The following OSBPL5 variants were observed in gnomAD, a reference collection of about 807,000 sequenced individuals.
The protein encoded by OSBPL5 is oxysterol-binding protein-related protein 5.
OSBPL5 carries 71 observed loss-of-function variants against 111.2 expected under a neutral mutation model. That is an observed-to-expected ratio of 0.64 (90% CI 0.53 to 0.78). The LOEUF is 0.78. OSBPL5 is among the 30% of genes least tolerant of loss of function. OSBPL5 has a pLI of 0.00. For missense variants in OSBPL5, 1,210 were observed against 1,189.3 expected (o/e 1.02, Z -0.26); for synonymous variants, 549 against 513.9 (o/e 1.07, Z -0.93).
At chr11:3,119,742 A>G (rs2134453105) in intron 6 of OSBPL5, 111 bp from the exon 7 acceptor site, 2 of 970,632 alleles carry the variant, frequency 2.1e-6, no homozygotes, top group South Asian at 1.7e-5. Flanking sequence ...GGACACCCCC[A>G]GGGCCACAGG....
At chr11:3,156,623 C>T (rs1455869487) in intron 1 of OSBPL5, among the ~76,000 whole-genome samples, 1 of 152,234 alleles carries the variant, frequency 6.6e-6, no homozygotes. Flanking sequence ...AAGCCAGGTG[C>T]CAGGACCTTG....
At chr11:3,102,374 G>T in intron 11 of OSBPL5, 93 bp from the exon 12 acceptor site, 1 of 1,187,396 alleles carries the variant, frequency 8.4e-7, no homozygotes, top group South Asian at 1.3e-5. Flanking sequence ...GGCAGCGTGG[G>T]TGGGCTACCC....
chr11:3,096,225 C>T (rs751590027), intron 14 of OSBPL5, among the ~76,000 whole-genome samples: 2 of 152,136 alleles, frequency 1.3e-5, no homozygotes, highest in Non-Finnish European at 2.9e-5. Context: ...GACACAGGCA[C>T]GTGGCAGCTG....
intron 15 of OSBPL5, 141 bp downstream of exon 15, chr11:3,094,096 G>T: frequency 2.4e-6 from 2 of 844,690 alleles, no homozygotes; most frequent in Non-Finnish European, 3.7e-6. Flanking sequence ...CCCTGTCTGT[G>T]TTCCGGGATG....
chr11:3,102,962 T>C (rs563143329), intron 11 of OSBPL5, among the ~76,000 whole-genome samples: 2 of 152,230 alleles, frequency 1.3e-5, no homozygotes, highest in South Asian at 4.1e-4. Flanking sequence ...CCTGAGGCTG[T>C]TTTCTTGGGG....
At chr11:3,103,833 A>AGCCTATGCAGTCCCTTCCT in intron 10 of OSBPL5, among the ~76,000 whole-genome samples, 1 of 79,334 alleles carries the variant, frequency 1.3e-5, no homozygotes, top group African/African-American at 4.2e-5. Context: ...GCCCCCTTCC[A>AGCCTATGCAGTCCCTTCCT]GCCTCTGCAG....
At chr11:3,153,966 T>C (rs1459715175) in intron 1 of OSBPL5, among the ~76,000 whole-genome samples, 1 of 152,238 alleles carries the variant, frequency 6.6e-6, no homozygotes, top group East Asian at 1.9e-4. Flanking sequence ...GCCCCGGGGT[T>C]ACCGGCTCCC....
chr11:3,160,277 C>G (rs1846915491), intron 1 of OSBPL5, among the ~76,000 whole-genome samples: 1 of 152,222 alleles, frequency 6.6e-6, no homozygotes, highest in Non-Finnish European at 1.5e-5. Context: ...CCCCTCCCGC[C>G]CAGGACCAGG....
intron 1 of OSBPL5, among the ~76,000 whole-genome samples, chr11:3,150,037 T>C (rs929368210): frequency 6.6e-6 from 1 of 152,058 alleles, no homozygotes; most frequent in Admixed American, 6.5e-5. Flanking sequence ...CAGATGTGCA[T>C]GCACACACAC....
intron 14 of OSBPL5, among the ~76,000 whole-genome samples, chr11:3,099,719 C>T (rs1383127735): frequency 6.6e-6 from 1 of 152,150 alleles, no homozygotes; most frequent in Non-Finnish European, 1.5e-5. Context: ...GCAAGCAAAA[C>T]GCACATATTC....
At chr11:3,127,130 T>C (rs1858655183) in intron 2 of OSBPL5, among the ~76,000 whole-genome samples, 1 of 152,196 alleles carries the variant, frequency 6.6e-6, no homozygotes, top group African/African-American at 2.4e-5. Context: ...CTGTTTGCTT[T>C]GGTGCCAGTT....
intron 1 of OSBPL5, among the ~76,000 whole-genome samples, chr11:3,156,419 T>A (rs1037811452): frequency 2.0e-5 from 3 of 152,140 alleles, no homozygotes; most frequent in Admixed American, 6.5e-5. Flanking sequence ...GAAAGAAGGA[T>A]GTGAGCGGAA....
chr11:3,135,707 G>A (rs75308619), intron 1 of OSBPL5, among the ~76,000 whole-genome samples: 10,017 of 152,292 alleles, frequency 0.066, 1,089 homozygotes, highest in African/African-American at 0.23. Flanking sequence ...ACACCGCCCC[G>A]TGGTGGCAGC....
rs112953459 is a variant in OSBPL5 at position 3,145,390 on chromosome 11, C to T, written c.-21-16221G>A. Among the ~76,000 whole-genome samples, 1,091 of 152,362 alleles carry T rather than the reference C, an allele frequency of 7.2e-3. 11 individuals are homozygous for T. Among genetic ancestry groups the T allele is most frequent in the African/African-American group, 0.025 (1,026 of 41,578 alleles). ...GCAACCAGTCCCACAGGCCAGGCCA[C>T]TTCACGAGCCCCATTCCCTTGGTCA... is the stretch of plus-strand genomic sequence containing the variant. On this transcript the variant is annotated intron_variant, in intron 1 of 21. Transcript: ENST00000263650.
chr11:3,119,986 G>C (rs1200808937), intron 6 of OSBPL5: 4 of 418,516 alleles, frequency 9.6e-6, no homozygotes, highest in Non-Finnish European at 1.7e-5. Context: ...TCCCATACAT[G>C]ACTGGGGTCA....
Position 3,106,046 on chromosome 11 carries a change from A to G in OSBPL5, c.1059+1217T>C, listed in dbSNP as rs990789326. Among the ~76,000 whole-genome samples, 2 of 151,624 alleles carry G rather than the reference A, an allele frequency of 1.3e-5. No homozygotes were observed. The highest frequency in any genetic ancestry group is 2.9e-5 in the Non-Finnish European group (2 of 67,888). On this transcript the variant is annotated intron_variant, in intron 9 of 21. Coordinates refer to ENST00000263650, the MANE Select transcript of OSBPL5 (RefSeq NM_020896.4). This position sits in a 1 kb window ranked among gnomAD's most constrained non-coding sequence, Gnocchi z 8.4. ...GCCTAACCCGCCGGTGGCTTCCCCA[A>G]TACTCTCAGCCTGAGGCCCCCAGGG... is the stretch of plus-strand genomic sequence containing the variant.
Position 3,141,912 on chromosome 11 carries a change from C to T in OSBPL5, c.-21-12743G>A, listed in dbSNP as rs918002599. 6.6e-6 allele frequency among the ~76,000 whole-genome samples: 1 copy of T among 152,046 alleles called. No individual in the cohort carries two copies. The highest frequency in any genetic ancestry group is 6.6e-5 in the Admixed American group (1 of 15,264). On this transcript the variant is annotated intron_variant, in intron 1 of 21. Coordinates refer to ENST00000263650, the MANE Select transcript of OSBPL5 (RefSeq NM_020896.4). The surrounding 1 kb of genome is among the most constrained non-coding windows in gnomAD (Gnocchi z 6.5). ...CCATGTTACAGTTGCAGTTTCTTTT[C>T]TTTCTTTTTATTTTTTTTGAGACGG...
At chr11:3,120,657 C>T (rs748618149) in intron 5 of OSBPL5, 33 bp from the exon 6 acceptor site, 2 of 1,603,542 alleles carry the variant, frequency 1.2e-6, no homozygotes, top group South Asian at 2.2e-5. Flanking sequence ...GATGCCCACC[C>T]TCTGGGGCCG....
In OSBPL5 at chr11:3,087,888, C is replaced by G. The variant is rs1856924221; in HGVS notation, c.*317G>C. 1.3e-5 allele frequency: 3 copies of G among 229,254 alleles called. No individual in the cohort carries two copies. The South Asian group carries it at 4.5e-4, about 34-fold the overall frequency. The allele number at this position is 229,254 out of a possible 1,614,324, so 14.2% of individuals were successfully genotyped here. On this transcript the variant is annotated 3_prime_UTR_variant, in exon 22 of 22. Transcript: ENST00000263650. ...CTCCCACCCTAAATCCATCCATCCC[C>G]CATGGCAAGTGGAGGCCGGACAGGG...
Sources: gnomAD v4.1 joint callset for allele counts (sites outside exome capture counted in the v4.1 genomes callset) on GRCh38, gnomAD v4.1.1 for gene constraint, Gnocchi (gnomAD v3.1) non-coding constraint, MANE v1.5 for transcripts, NCBI Gene and HGNC (gene_info 2026-07-23, HGNC 2026-07-21) for gene names.